Variants in CACNA2D4 observed in about 807,000 individuals in gnomAD.
CACNA2D4 encodes the protein voltage-dependent calcium channel subunit alpha-2/delta-4.
CACNA2D4 carries 157 observed loss-of-function variants against 163.8 expected under a neutral mutation model. The ratio of observed to expected loss-of-function variants is 0.96; its 90% CI spans 0.84 to 1.09. CACNA2D4 has a LOEUF of 1.09. Among genes scored for constraint, CACNA2D4 ranks in the 50% least tolerant of loss-of-function variants. The probability of loss-of-function intolerance (pLI) is 0.00; values close to 1 mark genes in which losing one functional copy is unlikely to be tolerated. For synonymous variants in CACNA2D4, 598 were observed against 586.9 expected (o/e 1.02, Z -0.27); for missense variants, 1,410 against 1,479.9 (o/e 0.95, Z 0.78).
chr12:1,831,567 G>A lies in CACNA2D4; in HGVS notation c.2551+9172C>T, dbSNP rs202139748. On this transcript the variant is annotated intron_variant, in intron 26 of 37. Transcript: ENST00000382722. ...CTGCTGGGGCCCGAGGGATTGGGAC[G>A]ATCACCTCTGGCCCCACACTTTCCT... 75 of 1,510,460 alleles carry A rather than the reference G, an allele frequency of 5.0e-5. 1 individual carries two copies. The East Asian group carries it at 1.3e-3, about 26-fold the overall frequency. The allele number at this position is 1,510,460 out of a possible 1,614,324, so 93.6% of individuals were successfully genotyped here.
At chr12:1,881,960 C>T (rs1378516256) in intron 13 of CACNA2D4, among the ~76,000 whole-genome samples, 1 of 152,270 alleles carries the variant, frequency 6.6e-6, no homozygotes, top group African/African-American at 2.4e-5. Flanking sequence ...CATTCCCAGC[C>T]TCCTTTGTCA....
chr12:1,911,737 G>T (rs1248736550), intron 3 of CACNA2D4, among the ~76,000 whole-genome samples: 1 of 152,192 alleles, frequency 6.6e-6, no homozygotes, highest in Non-Finnish European at 1.5e-5. Context: ...GCCTCTGGGG[G>T]TGTCTCAGGA....
At chr12:1,897,844 G>A (rs2154450654) in intron 6 of CACNA2D4, among the ~76,000 whole-genome samples, 1 of 152,168 alleles carries the variant, frequency 6.6e-6, no homozygotes, top group East Asian at 1.9e-4. Flanking sequence ...GAAAATTTAA[G>A]CAATACAGTT....
chr12:1,821,664 A>G (rs772680782), intron 26 of CACNA2D4, among the ~76,000 whole-genome samples: 12 of 152,124 alleles, frequency 7.9e-5, no homozygotes, highest in Non-Finnish European at 1.6e-4. Context: ...TTCTTGACCC[A>G]CACAGGGGGC....
chr12:1,859,796 C>T (rs925037306), intron 19 of CACNA2D4, among the ~76,000 whole-genome samples: 2 of 152,196 alleles, frequency 1.3e-5, no homozygotes, highest in East Asian at 1.9e-4. Flanking sequence ...TAACCGCCCT[C>T]GGGGAAATGA....
rs565980268 is a variant in CACNA2D4, at chr12:1,917,285, C to G, written c.227+962G>C. 6.6e-6 allele frequency among the ~76,000 whole-genome samples: 1 copy of G among 152,290 alleles called. No individual in the cohort carries two copies. The highest frequency in any genetic ancestry group is 2.1e-4 in the South Asian group (1 of 4,826). Reference sequence around the variant, plus strand: ...GTGTCATTTGTGAAGCGCCCAGCTCCGTGCCAGGCAGGGAACAAGGAGAGC... The same window carrying G: ...GTGTCATTTGTGAAGCGCCCAGCTCGGTGCCAGGCAGGGAACAAGGAGAGC... On this transcript the variant is annotated intron_variant, in intron 1 of 37. Transcript: ENST00000382722. The surrounding 1 kb of genome is among the most constrained non-coding windows in gnomAD (Gnocchi z 4.3).
rs1352338917 is a variant in CACNA2D4 at position 1,798,803 on chromosome 12, G to A, written c.2995+872C>T. Among the ~76,000 whole-genome samples the A allele has an allele frequency of 6.6e-6, 1 of 152,132 alleles. No homozygotes were observed. The highest frequency in any genetic ancestry group is 1.9e-4 in the East Asian group (1 of 5,182). The stretch of plus-strand genomic sequence containing the variant: ...ATGCAGCTGCTGACAGAGACAGAGG[G>A]GACAGTGTCCTGTCACTGACACCTA... On this transcript the variant is annotated intron_variant, in intron 34 of 37. Coordinates refer to ENST00000382722, the MANE Select transcript of CACNA2D4 (RefSeq NM_172364.5). The surrounding 1 kb of genome is among the most constrained non-coding windows in gnomAD (Gnocchi z 4.3).
In CACNA2D4 at chr12:1,828,201, G is replaced by GTGTCACA; in HGVS notation, c.2551+12537_2551+12538insTGTGACA. 6.5e-7 allele frequency: 1 copy of GTGTCACA among 1,546,788 alleles called. No individual in the cohort carries two copies. The highest frequency in any genetic ancestry group is 8.7e-7 in the Non-Finnish European group (1 of 1,145,278). On this transcript the variant is annotated intron_variant, in intron 26 of 37. Coordinates refer to ENST00000382722, the MANE Select transcript of CACNA2D4 (RefSeq NM_172364.5). The surrounding 1 kb of genome is among the most constrained non-coding windows in gnomAD (Gnocchi z 4.2). ...CAGAGGGGCAGGCTCGCCCTGCAGT[G>GTGTCACA]GAGGCAAGTCTCCTGTGAGTACACC...
chr12:1,856,156 TC>T, intron 21 of CACNA2D4, 27 bp downstream of exon 21: 1 of 1,613,880 alleles, frequency 6.2e-7, no homozygotes. Flanking sequence ...TCCACCTGTC[TC>T]CCTCCCATTT....
intron 26 of CACNA2D4, among the ~76,000 whole-genome samples, chr12:1,825,768 G>T (rs962519761): frequency 6.4e-4 from 97 of 152,288 alleles, no homozygotes; most frequent in South Asian, 1.0e-3. Context: ...TCCCTGAAAG[G>T]GCCACTGCTG....
At chr12:1,824,456 C>T (rs892027812) in intron 26 of CACNA2D4, among the ~76,000 whole-genome samples, 1 of 152,208 alleles carries the variant, frequency 6.6e-6, no homozygotes, top group African/African-American at 2.4e-5. Context: ...CTCTTCAGCC[C>T]CATTCTCCAA....
rs1178449456 is a variant in CACNA2D4 at position 1,797,486 on chromosome 12, G to A, written c.3045C>T (p.Tyr1015=). 6.3e-7 allele frequency: 1 copy of A among 1,585,786 alleles called. No individual in the cohort carries two copies. Among genetic ancestry groups the A allele is most frequent in the Non-Finnish European group, 8.6e-7 (1 of 1,168,188 alleles). ...TGGCCGGCTGGTACACGAACACGGG[G>A]TACTCCGTGTCGCAGGGCTGCAGCG... ...QDPLQPCDTE[Y]PVFVYQPAIR... is the part of the protein sequence containing the mutation. Residue 1015 remains tyrosine (Y), a synonymous_variant, in exon 35 of 38, where the codon TAC becomes TAT. Transcript: ENST00000382722.
chr12:1,808,036 A>C (rs1402888996), intron 29 of CACNA2D4, among the ~76,000 whole-genome samples: 1 of 129,984 alleles, frequency 7.7e-6, no homozygotes, highest in Non-Finnish European at 1.8e-5. Context: ...TTGCTACCAC[A>C]TCTAATCCAA....
At position 1,802,053 on chromosome 12, in the gene CACNA2D4, G is replaced by T. The variant is rs1863354156; in HGVS notation, c.2722-409C>A. The stretch of plus-strand genomic sequence containing the variant: ...TGTGTGTGTGTGTGTGTGTGTGTGT[G>T]TGTGTGTTGGGTCAGATATAAAACA... On this transcript the variant is annotated intron_variant, in intron 29 of 37. Transcript: ENST00000382722. The surrounding 1 kb of genome is among the most constrained non-coding windows in gnomAD (Gnocchi z 4.7). 7.6e-6 allele frequency among the ~76,000 whole-genome samples: 1 copy of T among 132,200 alleles called. No individual in the cohort carries two copies. The highest frequency in any genetic ancestry group is 2.1e-4 in the East Asian group (1 of 4,752). 86.7% of individuals were successfully genotyped at this position (132,200 alleles called of 152,430 possible). A position where few individuals can be genotyped will look rare whatever the true frequency, so the allele number is the denominator to read the frequency against.
In CACNA2D4 at chr12:1,844,420, G is replaced by A. The variant is rs919337671; in HGVS notation, c.2452C>T (p.Arg818Cys). 9.9e-6 allele frequency: 16 copies of A among 1,613,590 alleles called. No homozygotes were observed. Among genetic ancestry groups the A allele is most frequent in the South Asian group, 3.3e-5 (3 of 90,946 alleles). ...HPAGSFVFNL[R>C]WAEGPESAGE... ...GTGTTACCTGGTCCTTCTGCCCAGC[G>A]GAGGTTGAAGACGAAGCTGCCAGCA... The change falls in exon 25 of 38, where the codon CGC becomes TGC. Residue 818 changes from arginine (R) to cysteine (C), a missense_variant. By Grantham distance (180) the Arg-to-Cys change is radical. Transcript: ENST00000382722. The surrounding 1 kb of genome is among the most constrained non-coding windows in gnomAD (Gnocchi z 4.2).
intron 19 of CACNA2D4, 110 bp downstream of exon 19, chr12:1,860,035 G>T: frequency 1.2e-6 from 1 of 847,658 alleles, no homozygotes. Context: ...CAAGTTTCCT[G>T]GATGCTGACC....
At chr12:1,880,436 A>G (rs1592730345) in intron 13 of CACNA2D4, among the ~76,000 whole-genome samples, 1 of 152,260 alleles carries the variant, frequency 6.6e-6, no homozygotes, top group Non-Finnish European at 1.5e-5. Flanking sequence ...TCAGACCCAC[A>G]TGGACTCCAC....
rs115655166 is a variant in CACNA2D4 at position 1,838,087 on chromosome 12, C to T, written c.2551+2652G>A. On this transcript the variant is annotated intron_variant, in intron 26 of 37. Transcript: ENST00000382722. ...CATCCTGGAGCTTGACCTCATTCCT[C>T]GCCTAGGGCCTGGAGGACATGGAGA... 5.1e-3 allele frequency among the ~76,000 whole-genome samples: 776 copies of T among 152,322 alleles called. 4 individuals carry two copies. Among genetic ancestry groups the T allele is most frequent in the African/African-American group, 0.018 (730 of 41,558 alleles).
rs76519414 is a variant in CACNA2D4 at position 1,917,727 on chromosome 12, C to T, written c.227+520G>A. 0.022 allele frequency among the ~76,000 whole-genome samples: 3,322 copies of T among 152,280 alleles called. 67 individuals carry two copies. The highest frequency in any genetic ancestry group is 0.031 in the Non-Finnish European group (2,141 of 68,032). ...AGAAAGGTGTAGAAAGGGAAGACTG[C>T]GGCCACCAAAATCCATTTTTTTCCC... is the stretch of plus-strand genomic sequence containing the variant. On this transcript the variant is annotated intron_variant, in intron 1 of 37. Transcript: ENST00000382722. This position sits in a 1 kb window ranked among gnomAD's most constrained non-coding sequence, Gnocchi z 4.3.
Sources: allele counts gnomAD v4.1 joint callset (sites outside exome capture counted in the v4.1 genomes callset), GRCh38; gene constraint gnomAD v4.1.1; non-coding constraint Gnocchi (gnomAD v3.1); transcripts MANE v1.5; gene names NCBI Gene and HGNC (gene_info 2026-07-23, HGNC 2026-07-21).